Variants in MAF observed in about 807,000 individuals in gnomAD.
MAF encodes the protein transcription factor Maf.
A neutral mutation model predicts 22.0 loss-of-function variants in MAF; 10 were observed. The ratio of observed to expected loss-of-function variants is 0.45; its 90% CI spans 0.28 to 0.77. The LOEUF (loss-of-function observed/expected upper bound fraction) is 0.77. MAF is among the 30% of genes least tolerant of loss of function. The pLI is 0.12. For missense variants in MAF, 544 were observed against 548.4 expected, an observed-to-expected ratio of 0.99 and a Z score of 0.08; for synonymous variants, 337 against 255.8, an observed-to-expected ratio of 1.32 and a Z score of -3.03.
At chr16:79,322,472 G>T in the MAF span, among the ~76,000 whole-genome samples, 1 of 152,112 alleles carries the variant, frequency 6.6e-6, no homozygotes, top group Non-Finnish European at 1.5e-5. Context: ...AGGCAATAAG[G>T]AGGTGCCCAG....
chr16:79,580,995 T>G (rs544151413), downstream of MAF, among the ~76,000 whole-genome samples: 1 of 152,232 alleles, frequency 6.6e-6, no homozygotes, highest in African/African-American at 2.4e-5. Context: ...TAAAGGAATT[T>G]CTGATCTCTC....
chr16:79,414,450 G>A, the MAF span, among the ~76,000 whole-genome samples: 1 of 152,172 alleles, frequency 6.6e-6, no homozygotes, highest in African/African-American at 2.4e-5. Context: ...AACTAATAGA[G>A]TGAGAACTCA....
At chr16:79,433,594 G>C in the MAF span, among the ~76,000 whole-genome samples, 1 of 151,940 alleles carries the variant, frequency 6.6e-6, no homozygotes, top group African/African-American at 2.4e-5. Flanking sequence ...AAGGAACTTA[G>C]GAGAAAGATA....
the MAF span, among the ~76,000 whole-genome samples, chr16:79,413,782 G>C: frequency 6.6e-6 from 1 of 152,184 alleles, no homozygotes; most frequent in Non-Finnish European, 1.5e-5. Flanking sequence ...CAATCTTTCC[G>C]AAGAGGCAAC....
the MAF span, among the ~76,000 whole-genome samples, chr16:79,424,482 A>G: frequency 6.6e-6 from 1 of 152,230 alleles, no homozygotes; most frequent in Non-Finnish European, 1.5e-5. Flanking sequence ...TGATTAAAAA[A>G]ATTAGAAGTT....
chr16:79,248,683 C>T, the MAF span, among the ~76,000 whole-genome samples: 1 of 152,008 alleles, frequency 6.6e-6, no homozygotes, highest in Non-Finnish European at 1.5e-5. Context: ...GCACTGTTTT[C>T]TGAAGATAGG....
the MAF span, among the ~76,000 whole-genome samples, chr16:79,473,096 A>T: frequency 6.6e-6 from 1 of 152,072 alleles, no homozygotes; most frequent in African/African-American, 2.4e-5. Flanking sequence ...GGAACTGGGG[A>T]TGCCTTTTTT....
chr16:79,427,650 T>C, the MAF span, among the ~76,000 whole-genome samples: 1,581 of 152,144 alleles, frequency 0.01, 14 homozygotes, highest in Non-Finnish European at 0.018. Flanking sequence ...CCATTTTCTC[T>C]TCCTCCACTT....
At chr16:79,518,721 G>A in the MAF span, among the ~76,000 whole-genome samples, 1 of 152,256 alleles carries the variant, frequency 6.6e-6, no homozygotes, top group Non-Finnish European at 1.5e-5. Flanking sequence ...TTATACCTCA[G>A]GTCGGAAGTT....
chr16:79,466,565 G>A, the MAF span, among the ~76,000 whole-genome samples: 2 of 152,288 alleles, frequency 1.3e-5, no homozygotes, highest in South Asian at 2.1e-4. Context: ...TCTTCCTCAG[G>A]TTGGCACCTT....
chr16:79,345,825 C>A, the MAF span, among the ~76,000 whole-genome samples: 5 of 149,482 alleles, frequency 3.3e-5, no homozygotes, highest in Admixed American at 3.3e-4. Context: ...AGTTAACCAG[C>A]TGCATATTGC....
the MAF span, among the ~76,000 whole-genome samples, chr16:79,236,672 G>T: frequency 7.2e-5 from 11 of 151,990 alleles, no homozygotes; most frequent in African/African-American, 2.7e-4. Context: ...GGAGGCCCTG[G>T]TCCCTTTCCT....
the MAF span, among the ~76,000 whole-genome samples, chr16:79,437,213 G>C: frequency 2.0e-5 from 3 of 151,974 alleles, no homozygotes; most frequent in South Asian, 2.1e-4. Flanking sequence ...GTAAGGAAGA[G>C]AGCATGCTGT....
chr16:79,364,837 T>G, the MAF span, among the ~76,000 whole-genome samples: 20 of 152,174 alleles, frequency 1.3e-4, no homozygotes, highest in African/African-American at 4.8e-4. Context: ...AGAAACCCAG[T>G]TTAAACTCTT....
chr16:79,347,861 T>A, the MAF span, among the ~76,000 whole-genome samples: 16 of 152,062 alleles, frequency 1.1e-4, no homozygotes, highest in African/African-American at 3.6e-4. Context: ...GCGAGAACAG[T>A]GGGTCAAGTG....
chr16:79,438,877 C>A, the MAF span, among the ~76,000 whole-genome samples: 2 of 152,124 alleles, frequency 1.3e-5, no homozygotes, highest in Non-Finnish European at 2.9e-5. Context: ...TCACAGACAC[C>A]ACTTTTCATC....
chr16:79,342,514 G>A, the MAF span, among the ~76,000 whole-genome samples: 9 of 152,122 alleles, frequency 5.9e-5, no homozygotes, highest in South Asian at 1.9e-3. Context: ...TTCCTGGGCA[G>A]GTAATCATTA....
At chr16:79,434,649 T>A in the MAF span, among the ~76,000 whole-genome samples, 1 of 151,520 alleles carries the variant, frequency 6.6e-6, no homozygotes, top group East Asian at 1.9e-4. Flanking sequence ...TAATATATAA[T>A]TAAAGTAGAT....
At chr16:79,444,539 C>A in the MAF span, among the ~76,000 whole-genome samples, 2 of 151,978 alleles carry the variant, frequency 1.3e-5, no homozygotes, top group Non-Finnish European at 2.9e-5. Context: ...TCTTAAAGGG[C>A]CATACTGAGA....
Sources: allele counts gnomAD v4.1 joint callset (sites outside exome capture counted in the v4.1 genomes callset), GRCh38; gene constraint gnomAD v4.1.1; transcripts MANE v1.5; gene names NCBI Gene and HGNC (gene_info 2026-07-23, HGNC 2026-07-21).